TPCN1: variants seen among roughly 807,000 people sequenced by gnomAD.
TPCN1 encodes two pore channel protein 1.
A neutral mutation model predicts 108.8 loss-of-function variants in TPCN1; 52 were observed. The ratio of observed to expected loss-of-function variants is 0.48; its 90% CI spans 0.38 to 0.60. The LOEUF (loss-of-function observed/expected upper bound fraction) is 0.60. Ranked by LOEUF, TPCN1 falls within the 20% of genes least tolerant of loss-of-function variation. The pLI, the probability that TPCN1 is intolerant of heterozygous loss-of-function variation, is 0.00. For synonymous variants in TPCN1, 446 were observed against 433.7 expected, an observed-to-expected ratio of 1.03 and a Z score of -0.35; for missense variants, 806 against 1,072.8, an observed-to-expected ratio of 0.75 and a Z score of 3.47.
intron 2 of TPCN1, among the ~76,000 whole-genome samples, chr12:113,241,053 CCTG>C (rs1372063119): frequency 1.3e-5 from 2 of 152,138 alleles, no homozygotes; most frequent in Admixed American, 1.3e-4. Context: ...CCTGGCCACT[CCTG>C]CTCATTCTTT....
chr12:113,237,770 G>A (rs1238871236), intron 2 of TPCN1, among the ~76,000 whole-genome samples: 1 of 152,186 alleles, frequency 6.6e-6, no homozygotes, highest in Non-Finnish European at 1.5e-5. Flanking sequence ...GCTCTTTGAT[G>A]AGAAACATCC....
Position 113,272,805 on chromosome 12 carries a change from C to T in TPCN1, c.783+113C>T. On this transcript the variant is annotated intron_variant, in intron 8 of 27. Coordinates refer to ENST00000335509, the MANE Select transcript of TPCN1 (RefSeq NM_017901.6). The surrounding 1 kb of genome is among the most constrained non-coding windows in gnomAD (Gnocchi z 4.1). ...GGGGAAGGGGGGGCCTGCCTGGTTT[C>T]TCATCATAGCTTGTGTGTGCATTGC... 1 of 1,039,884 alleles carries T rather than the reference C, an allele frequency of 9.6e-7. No homozygotes were observed. The highest frequency in any genetic ancestry group is 1.5e-6 in the Non-Finnish European group (1 of 659,580). 64.4% of individuals were successfully genotyped at this position (1,039,884 alleles called of 1,614,324 possible). A position where few individuals can be genotyped will look rare whatever the true frequency, so the allele number is the denominator to read the frequency against.
intron 2 of TPCN1, among the ~76,000 whole-genome samples, chr12:113,251,046 T>A (rs1954613487): frequency 6.6e-6 from 1 of 151,980 alleles, no homozygotes; most frequent in Admixed American, 6.6e-5. Flanking sequence ...CTCACACCTG[T>A]AATCCTAGAA....
At chr12:113,290,091 G>A in intron 21 of TPCN1, 37 bp from the exon 22 acceptor site, 2 of 1,379,430 alleles carry the variant, frequency 1.4e-6, no homozygotes, top group African/African-American at 1.4e-5. Flanking sequence ...TGATCGCCTT[G>A]TGACCCTCCC....
intron 2 of TPCN1, among the ~76,000 whole-genome samples, chr12:113,247,924 G>C (rs1954464149): frequency 6.6e-6 from 1 of 152,242 alleles, no homozygotes; most frequent in Admixed American, 6.5e-5. Flanking sequence ...TGAGTGGTTA[G>C]AAGCACAGAA....
chr12:113,246,965 C>G (rs940311693), intron 2 of TPCN1, among the ~76,000 whole-genome samples: 2 of 152,158 alleles, frequency 1.3e-5, no homozygotes, highest in South Asian at 4.1e-4. Flanking sequence ...TCCAAAGATG[C>G]GAGTGCCAGT....
At chr12:113,259,380 G>T (rs1224944997) in intron 2 of TPCN1, among the ~76,000 whole-genome samples, 1 of 152,144 alleles carries the variant, frequency 6.6e-6, no homozygotes, top group African/African-American at 2.4e-5. Flanking sequence ...TCATTTCTTG[G>T]TGCCGTTGTT....
At chr12:113,229,388 C>G (rs1199954296) in intron 2 of TPCN1, among the ~76,000 whole-genome samples, 2 of 152,320 alleles carry the variant, frequency 1.3e-5, no homozygotes, top group East Asian at 3.9e-4. Flanking sequence ...TCAGAGGAGG[C>G]CTGCTCTGCC....
At chr12:113,239,003 G>A (rs1163621968) in intron 2 of TPCN1, among the ~76,000 whole-genome samples, 2 of 152,088 alleles carry the variant, frequency 1.3e-5, no homozygotes, top group Non-Finnish European at 2.9e-5. Flanking sequence ...GTGTGGTGGT[G>A]CACACCTGTA....
chr12:113,238,092 T>A (rs2136464601), intron 2 of TPCN1, among the ~76,000 whole-genome samples: 1 of 152,328 alleles, frequency 6.6e-6, no homozygotes, highest in Non-Finnish European at 1.5e-5. Context: ...CCTCTCATTT[T>A]ATCATCCTCC....
intron 15 of TPCN1, among the ~76,000 whole-genome samples, chr12:113,281,711 T>A (rs1256443904): frequency 1.3e-5 from 2 of 151,924 alleles, no homozygotes; most frequent in Non-Finnish European, 2.9e-5. Context: ...GCTAATTTTT[T>A]AATTTTTTGT....
chr12:113,295,908 G>C (rs989443137), intron 27 of TPCN1, 52 bp from the exon 28 acceptor site: 1 of 1,511,236 alleles, frequency 6.6e-7, no homozygotes, highest in Admixed American at 2.0e-5. Flanking sequence ...TGGGGTGGGC[G>C]GGGCAGGGGG....
intron 2 of TPCN1, among the ~76,000 whole-genome samples, chr12:113,258,580 G>A (rs564228079): frequency 9.2e-5 from 14 of 152,148 alleles, no homozygotes; most frequent in African/African-American, 2.9e-4. Flanking sequence ...CCAGGAGTTC[G>A]AGACCAGCCT....
intron 2 of TPCN1, among the ~76,000 whole-genome samples, chr12:113,239,927 G>A (rs1186971497): frequency 6.6e-6 from 1 of 152,042 alleles, no homozygotes; most frequent in Non-Finnish European, 1.5e-5. Context: ...CCTGTGCTTA[G>A]TGCTGGCTAA....
chr12:113,262,511 A>G (rs1355146546), intron 3 of TPCN1, among the ~76,000 whole-genome samples: 1 of 152,152 alleles, frequency 6.6e-6, no homozygotes, highest in Non-Finnish European at 1.5e-5. Context: ...ATACACCTAA[A>G]TGATCATGTT....
intron 21 of TPCN1, 41 bp from the exon 22 acceptor site, chr12:113,290,087 C>T (rs1443046996): frequency 7.5e-6 from 10 of 1,325,692 alleles, no homozygotes; most frequent in Non-Finnish European, 1.1e-5. Context: ...TGACTGATCG[C>T]CTTGTGACCC....
chr12:113,277,512 A>C, intron 12 of TPCN1, 148 bp downstream of exon 12: 1 of 964,844 alleles, frequency 1.0e-6, no homozygotes. Context: ...GTAGACTTAC[A>C]CACTGGATTC....
chr12:113,236,316 G>A (rs1000416707), intron 2 of TPCN1, among the ~76,000 whole-genome samples: 17 of 152,240 alleles, frequency 1.1e-4, no homozygotes, highest in East Asian at 9.6e-4. Flanking sequence ...CCCACCCCCC[G>A]GCACCCCATG....
chr12:113,285,277 C>T (rs1416482241), intron 17 of TPCN1, among the ~76,000 whole-genome samples: 10 of 152,338 alleles, frequency 6.6e-5, no homozygotes, highest in Non-Finnish European at 8.8e-5. Flanking sequence ...CACCTGGTAC[C>T]CAATGCAAGG....
Sources: allele counts gnomAD v4.1 joint callset (sites outside exome capture counted in the v4.1 genomes callset), GRCh38; gene constraint gnomAD v4.1.1; non-coding constraint Gnocchi (gnomAD v3.1); transcripts MANE v1.5; gene names NCBI Gene and HGNC (gene_info 2026-07-23, HGNC 2026-07-21).